The following GABRB2 variants were observed in gnomAD, a reference collection of about 807,000 sequenced individuals.
GABRB2 encodes the protein gamma-aminobutyric acid type A receptor subunit beta2.
A neutral mutation model predicts 54.7 loss-of-function variants in GABRB2; 16 were observed. The ratio of observed to expected loss-of-function variants is 0.29; its 90% CI spans 0.20 to 0.44. GABRB2 has a LOEUF of 0.44. Ranked by LOEUF, GABRB2 falls within the 20% of genes least tolerant of loss-of-function variation. The probability of loss-of-function intolerance (pLI) is 1.00; values close to 1 mark genes in which losing one functional copy is unlikely to be tolerated. For synonymous variants in GABRB2, 244 were observed against 233.8 expected, an observed-to-expected ratio of 1.04 and a Z score of -0.40; for missense variants, 355 against 644.0, an observed-to-expected ratio of 0.55 and a Z score of 4.86.
At chr5:161,471,925 T>C (rs1223998507) in intron 3 of GABRB2, among the ~76,000 whole-genome samples, 2 of 151,916 alleles carry the variant, frequency 1.3e-5, no homozygotes, top group African/African-American at 4.8e-5. Flanking sequence ...GGTTCTTGCT[T>C]TTTGCATGCA....
Position 161,474,859 on chromosome 5 carries a change from G to A in GABRB2, c.238-15015C>T, listed in dbSNP as rs547259210. ...AATTACATACCCCAAAATCCTTTTCGATCAGGAGTTAATTTTATATCCCTA... is the reference window on the plus strand; with the variant it reads ...AATTACATACCCCAAAATCCTTTTCAATCAGGAGTTAATTTTATATCCCTA... On this transcript the variant is annotated intron_variant, in intron 3 of 9. Transcript: ENST00000393959. 1.5e-4 allele frequency among the ~76,000 whole-genome samples: 23 copies of A among 151,898 alleles called. 1 individual carries two copies. In the Middle Eastern group the frequency reaches 0.01, roughly 68 times the overall value.
chr5:161,384,152 ATCT>A (rs1337362545), intron 5 of GABRB2, among the ~76,000 whole-genome samples: 1 of 152,206 alleles, frequency 6.6e-6, no homozygotes, highest in Non-Finnish European at 1.5e-5. Flanking sequence ...GATAAAGGTC[ATCT>A]TCTCCAAATT....
chr5:161,542,163 C>T (rs1760840987), intron 3 of GABRB2, among the ~76,000 whole-genome samples: 1 of 151,996 alleles, frequency 6.6e-6, no homozygotes, highest in Non-Finnish European at 1.5e-5. Flanking sequence ...CATGGTGCCC[C>T]CAAACAATTG....
intron 9 of GABRB2, among the ~76,000 whole-genome samples, chr5:161,321,059 A>T (rs1300444285): frequency 6.6e-6 from 1 of 152,008 alleles, no homozygotes; most frequent in Non-Finnish European, 1.5e-5. Flanking sequence ...TCCCCACTAA[A>T]GATTTTGATC....
chr5:161,373,194 C>A (rs1352580928), intron 5 of GABRB2, among the ~76,000 whole-genome samples: 3 of 152,078 alleles, frequency 2.0e-5, no homozygotes, highest in Non-Finnish European at 4.4e-5. Flanking sequence ...CCAAAAGACC[C>A]AAGCAAAAGT....
chr5:161,547,358 G>A (rs370187956), upstream of GABRB2, among the ~76,000 whole-genome samples: 27 of 151,900 alleles, frequency 1.8e-4, no homozygotes, highest in African/African-American at 5.8e-4. Flanking sequence ...GAAAGGCACG[G>A]AAAAATAAAA....
At chr5:161,499,824 G>C (rs1250955971) in intron 3 of GABRB2, among the ~76,000 whole-genome samples, 1 of 152,132 alleles carries the variant, frequency 6.6e-6, no homozygotes, top group Non-Finnish European at 1.5e-5. Flanking sequence ...GAACATGAAT[G>C]CTTCCTAAAT....
chr5:161,452,245 A>G (rs1228191924), intron 4 of GABRB2, among the ~76,000 whole-genome samples: 1 of 152,184 alleles, frequency 6.6e-6, no homozygotes, highest in Non-Finnish European at 1.5e-5. Context: ...TATTTTAAAT[A>G]CCGTTTTATG....
chr5:161,444,654 A>C (rs184823291), intron 4 of GABRB2, among the ~76,000 whole-genome samples: 1 of 152,276 alleles, frequency 6.6e-6, no homozygotes, highest in East Asian at 1.9e-4. Context: ...TATCTTTAAA[A>C]TGTCTTCTTA....
At chr5:161,343,049 A>G (rs374572338) in intron 5 of GABRB2, among the ~76,000 whole-genome samples, 2 of 152,042 alleles carry the variant, frequency 1.3e-5, no homozygotes, top group African/African-American at 4.8e-5. Context: ...GTCAATGCCA[A>G]TTAGAGTCAC....
intron 5 of GABRB2, among the ~76,000 whole-genome samples, chr5:161,406,397 C>T (rs917847174): frequency 6.6e-6 from 1 of 151,934 alleles, no homozygotes; most frequent in Non-Finnish European, 1.5e-5. Flanking sequence ...ATAAAATCTA[C>T]GAAGGTTGAG....
At chr5:161,487,272 A>G (rs1308173560) in intron 3 of GABRB2, among the ~76,000 whole-genome samples, 2 of 151,956 alleles carry the variant, frequency 1.3e-5, no homozygotes, top group Non-Finnish European at 2.9e-5. Flanking sequence ...ATATAAAACA[A>G]TCCTAGATGA....
chr5:161,433,798 C>G (rs1327328381), intron 4 of GABRB2, among the ~76,000 whole-genome samples: 1 of 151,932 alleles, frequency 6.6e-6, no homozygotes, highest in East Asian at 1.9e-4. Flanking sequence ...TGGAAGAACC[C>G]TGCAGGATGA....
At chr5:161,380,916 G>C (rs576523286) in intron 5 of GABRB2, among the ~76,000 whole-genome samples, 1 of 152,056 alleles carries the variant, frequency 6.6e-6, no homozygotes, top group East Asian at 1.9e-4. Flanking sequence ...GGGTTTAAAG[G>C]AAAGGTATAA....
chr5:161,544,732 C>T (rs1171501628), intron 3 of GABRB2, among the ~76,000 whole-genome samples: 1 of 152,020 alleles, frequency 6.6e-6, no homozygotes, highest in Non-Finnish European at 1.5e-5. Context: ...GGAGTTGGGG[C>T]AGGAATGGGG....
chr5:161,421,725 T>C (rs953169548), intron 4 of GABRB2, among the ~76,000 whole-genome samples: 42 of 152,188 alleles, frequency 2.8e-4, no homozygotes, highest in African/African-American at 7.9e-4. Context: ...CCACAGGATA[T>C]TTTCAGATGG....
intron 9 of GABRB2, 102 bp from the exon 10 acceptor site, chr5:161,294,530 G>A: frequency 1.1e-6 from 1 of 929,118 alleles, no homozygotes; most frequent in East Asian, 2.5e-5. Flanking sequence ...TTATAGGAGT[G>A]GTAAAGAGAG....
At chr5:161,433,881 A>T (rs910967055) in intron 4 of GABRB2, among the ~76,000 whole-genome samples, 2 of 152,170 alleles carry the variant, frequency 1.3e-5, no homozygotes, top group Non-Finnish European at 2.9e-5. Context: ...TGAAAATATC[A>T]TTCATCTGTC....
chr5:161,476,814 G>A (rs1758604525), intron 3 of GABRB2, among the ~76,000 whole-genome samples: 1 of 151,852 alleles, frequency 6.6e-6, no homozygotes, highest in Admixed American at 6.6e-5. Flanking sequence ...AGGCCTAAAT[G>A]TAAGACCTAA....
Sources: allele counts gnomAD v4.1 joint callset (sites outside exome capture counted in the v4.1 genomes callset), GRCh38; gene constraint gnomAD v4.1.1; transcripts MANE v1.5; gene names NCBI Gene and HGNC (gene_info 2026-07-23, HGNC 2026-07-21).